GLIS3: variants seen among roughly 807,000 people sequenced by gnomAD.
GLIS3 encodes the protein GLIS family zinc finger 3.
Under a neutral mutation model 78.6 loss-of-function variants are expected in GLIS3, and 53 were observed. The observed-to-expected ratio is 0.67, with a 90% CI of 0.54 to 0.85. The LOEUF (loss-of-function observed/expected upper bound fraction) is 0.85, where lower values mean the gene tolerates loss of function less well. Ranked by LOEUF, GLIS3 falls within the 40% of genes least tolerant of loss-of-function variation. The pLI, the probability that GLIS3 is intolerant of heterozygous loss-of-function variation, is 0.00. For missense variants in GLIS3, 1,703 were observed against 1,231.1 expected, an observed-to-expected ratio of 1.38 and a Z score of -5.74; for synonymous variants, 684 against 509.9, an observed-to-expected ratio of 1.34 and a Z score of -4.60.
intron 4 of GLIS3, among the ~76,000 whole-genome samples, chr9:4,096,110 A>G (rs1829925383): frequency 6.6e-6 from 1 of 152,230 alleles, no homozygotes; most frequent in Admixed American, 6.5e-5. Context: ...AATAAGGAGA[A>G]AAAAACAAAG....
At chr9:4,475,848 T>C in the GLIS3 span, among the ~76,000 whole-genome samples, 6 of 152,188 alleles carry the variant, frequency 3.9e-5, no homozygotes, top group African/African-American at 1.4e-4. Flanking sequence ...GAGAGGGTAG[T>C]AGAAGAAGAG....
At chr9:4,089,439 T>C (rs1208141896) in intron 4 of GLIS3, among the ~76,000 whole-genome samples, 3 of 152,152 alleles carry the variant, frequency 2.0e-5, no homozygotes, top group Admixed American at 6.6e-5. Context: ...ACCTTACAAA[T>C]TCAATCAACA....
chr9:4,227,979 G>C (rs976721326), intron 2 of GLIS3, among the ~76,000 whole-genome samples: 31 of 152,142 alleles, frequency 2.0e-4, no homozygotes, highest in African/African-American at 6.8e-4. Flanking sequence ...ATCAGTACAT[G>C]TCTAACTTAG....
At chr9:4,006,615 G>C (rs1324153739) in intron 4 of GLIS3, among the ~76,000 whole-genome samples, 5 of 152,118 alleles carry the variant, frequency 3.3e-5, no homozygotes, top group African/African-American at 1.2e-4. Context: ...CCAATCTTAT[G>C]AACAGAGCAC....
intron 2 of GLIS3, among the ~76,000 whole-genome samples, chr9:4,193,633 G>A (rs906429311): frequency 6.6e-6 from 1 of 152,218 alleles, no homozygotes; most frequent in Non-Finnish European, 1.5e-5. Context: ...TGGGAACAGA[G>A]GTGATGTCAG....
intron 4 of GLIS3, among the ~76,000 whole-genome samples, chr9:4,107,672 C>T (rs1209972296): frequency 1.3e-5 from 2 of 151,730 alleles, no homozygotes; most frequent in African/African-American, 4.8e-5. Context: ...TCATCTCATT[C>T]CTAAGCACAG....
At chr9:4,131,578 C>G (rs1233085888) in intron 2 of GLIS3, among the ~76,000 whole-genome samples, 1 of 129,530 alleles carries the variant, frequency 7.7e-6, no homozygotes, top group Non-Finnish European at 1.7e-5. Context: ...TCCCTTCCTC[C>G]TGCTCCAGCC....
intron 4 of GLIS3, among the ~76,000 whole-genome samples, chr9:4,005,911 T>C (rs1289722613): frequency 6.6e-6 from 1 of 152,212 alleles, no homozygotes; most frequent in Non-Finnish European, 1.5e-5. Context: ...AGTTGTCTGT[T>C]AGTCATTTGC....
intron 1 of GLIS3, 125 bp from the exon 2 acceptor site, chr9:4,286,648 T>C (rs905718434): frequency 5.0e-6 from 3 of 599,474 alleles, no homozygotes; most frequent in South Asian, 1.9e-5. Context: ...TGGCCTTTTA[T>C]GTAGAAAAGG....
At chr9:4,429,478 C>T in the GLIS3 span, among the ~76,000 whole-genome samples, 1 of 152,184 alleles carries the variant, frequency 6.6e-6, no homozygotes, top group African/African-American at 2.4e-5. Context: ...TTTCTTCTTA[C>T]CTTCAGATCT....
chr9:4,159,763 A>G (rs1835337133), intron 2 of GLIS3, among the ~76,000 whole-genome samples: 1 of 152,038 alleles, frequency 6.6e-6, no homozygotes, highest in Non-Finnish European at 1.5e-5. Flanking sequence ...GAGATAATAA[A>G]TCTGTGCTTG....
chr9:4,452,144 A>C, the GLIS3 span, among the ~76,000 whole-genome samples: 4 of 152,162 alleles, frequency 2.6e-5, no homozygotes, highest in African/African-American at 9.7e-5. Context: ...AAAAACTCTC[A>C]ATAAAGTAGG....
At chr9:4,140,092 AC>A (rs1182419149) in intron 2 of GLIS3, among the ~76,000 whole-genome samples, 7 of 152,174 alleles carry the variant, frequency 4.6e-5, no homozygotes, top group Non-Finnish European at 1.0e-4. Flanking sequence ...TAGCCGCCAG[AC>A]CAGGTAGATC....
chr9:4,028,167 T>C lies in GLIS3; in HGVS notation c.1710+89601A>G, dbSNP rs576570226. On this transcript the variant is annotated intron_variant, in intron 4 of 10. Transcript: ENST00000381971. Reference sequence around the variant, plus strand: ...GAAGCTAGACAACTTCTAGGGTCCATTCCTGACTCCAATGCACATATAGGA... The same window carrying C: ...GAAGCTAGACAACTTCTAGGGTCCACTCCTGACTCCAATGCACATATAGGA... Among the ~76,000 whole-genome samples, 86 of 152,332 alleles carry C rather than the reference T, an allele frequency of 5.6e-4. 1 individual carries two copies. The South Asian group carries it at 0.017, about 29-fold the overall frequency.
At chr9:4,185,011 T>C (rs763477961) in intron 2 of GLIS3, among the ~76,000 whole-genome samples, 3 of 152,242 alleles carry the variant, frequency 2.0e-5, no homozygotes, top group Non-Finnish European at 4.4e-5. Flanking sequence ...TGATTATTAG[T>C]AAACTTATCA....
intron 9 of GLIS3, among the ~76,000 whole-genome samples, chr9:3,848,599 G>T (rs1403384843): frequency 1.3e-5 from 2 of 152,176 alleles, no homozygotes; most frequent in East Asian, 1.9e-4. Context: ...CAGCCCATAG[G>T]CATCTTGCTG....
chr9:4,475,462 T>A, the GLIS3 span, among the ~76,000 whole-genome samples: 1 of 152,220 alleles, frequency 6.6e-6, no homozygotes, highest in East Asian at 1.9e-4. Flanking sequence ...TGTGGTATTA[T>A]TTGTAACAGC....
intron 2 of GLIS3, among the ~76,000 whole-genome samples, chr9:4,243,741 T>C (rs1013111619): frequency 1.3e-5 from 2 of 152,202 alleles, no homozygotes; most frequent in Non-Finnish European, 2.9e-5. Flanking sequence ...GCCTCTCATC[T>C]GCCTGGAATG....
the GLIS3 span, among the ~76,000 whole-genome samples, chr9:4,476,807 A>G: frequency 6.6e-6 from 1 of 152,164 alleles, no homozygotes; most frequent in African/African-American, 2.4e-5. Context: ...TAAGAATAAA[A>G]ATTTCTAAAG....
Sources: gnomAD v4.1 joint callset for allele counts (sites outside exome capture counted in the v4.1 genomes callset) on GRCh38, gnomAD v4.1.1 for gene constraint, MANE v1.5 for transcripts, NCBI Gene and HGNC (gene_info 2026-07-23, HGNC 2026-07-21) for gene names.